The following JAZF1 variants were observed in gnomAD, a reference collection of about 807,000 sequenced individuals.
The protein encoded by JAZF1 is juxtaposed with another zinc finger protein 1.
Under a neutral mutation model 26.4 loss-of-function variants are expected in JAZF1, and 8 were observed. The ratio of observed to expected loss-of-function variants is 0.30; its 90% CI spans 0.18 to 0.55. The LOEUF is 0.55. Ranked by LOEUF, JAZF1 falls within the 20% of genes least tolerant of loss-of-function variation. The pLI is 0.94. For missense variants in JAZF1, 199 were observed against 322.0 expected, an observed-to-expected ratio of 0.62 and a Z score of 2.92; for synonymous variants, 126 against 122.3, an observed-to-expected ratio of 1.03 and a Z score of -0.20.
chr7:28,084,588 C>CTT (rs1348868143), intron 1 of JAZF1, among the ~76,000 whole-genome samples: 1 of 152,174 alleles, frequency 6.6e-6, no homozygotes, highest in African/African-American at 2.4e-5. Context: ...TTCTTTTAGT[C>CTT]TTTCTGTGCC....
intron 1 of JAZF1, among the ~76,000 whole-genome samples, chr7:28,154,248 G>A (rs1458720776): frequency 2.0e-5 from 3 of 152,180 alleles, no homozygotes; most frequent in Admixed American, 6.5e-5. Flanking sequence ...AATCTAAGCT[G>A]TCCAGCAACA....
At chr7:27,876,941 C>G (rs1250947882) in intron 3 of JAZF1, among the ~76,000 whole-genome samples, 1 of 152,138 alleles carries the variant, frequency 6.6e-6, no homozygotes, top group Non-Finnish European at 1.5e-5. Context: ...CTTGGAAATC[C>G]CAGCTAGAGA....
chr7:28,159,302 T>C (rs1291860749), intron 1 of JAZF1, among the ~76,000 whole-genome samples: 1 of 151,832 alleles, frequency 6.6e-6, no homozygotes, highest in Non-Finnish European at 1.5e-5. Context: ...TTTCAGTAAG[T>C]CTAAAATTAT....
intron 2 of JAZF1, among the ~76,000 whole-genome samples, chr7:27,963,102 T>C (rs900675085): frequency 6.6e-6 from 1 of 152,204 alleles, no homozygotes; most frequent in Non-Finnish European, 1.5e-5. Flanking sequence ...TTTAATTCTT[T>C]GGGATGGATT....
Position 28,110,329 on chromosome 7 carries a change from G to A in JAZF1, c.115+70134C>T, listed in dbSNP as rs535679950. On this transcript the variant is annotated intron_variant, in intron 1 of 4. Coordinates refer to ENST00000283928, the MANE Select transcript of JAZF1 (RefSeq NM_175061.4). ...TAATCTCAGTTACTTGGGAGGCTGC[G>A]GGAGGAGAATCACTTGAACCTGGGA... is the stretch of plus-strand genomic sequence containing the variant. Among the ~76,000 whole-genome samples the A allele has an allele frequency of 1.1e-3, 172 of 151,714 alleles. No individual in the cohort carries two copies. In the Middle Eastern group the frequency reaches 0.014, roughly 12 times the overall value.
At chr7:27,987,655 A>G (rs1785758908) in intron 2 of JAZF1, among the ~76,000 whole-genome samples, 1 of 152,088 alleles carries the variant, frequency 6.6e-6, no homozygotes, top group Admixed American at 6.5e-5. Context: ...GGAAGTGAGG[A>G]GCCCCTCTGC....
At chr7:27,932,079 G>C (rs769563353) in intron 2 of JAZF1, among the ~76,000 whole-genome samples, 10 of 152,214 alleles carry the variant, frequency 6.6e-5, no homozygotes, top group African/African-American at 2.4e-4. Context: ...TTAAAAACAA[G>C]GTTTGGGGGA....
chr7:27,984,165 T>A (rs1785647923), intron 2 of JAZF1, among the ~76,000 whole-genome samples: 1 of 152,140 alleles, frequency 6.6e-6, no homozygotes, highest in Non-Finnish European at 1.5e-5. Context: ...TAAATTGGAT[T>A]AAAAGTCAAG....
At chr7:27,906,966 A>G (rs1478633877) in intron 2 of JAZF1, among the ~76,000 whole-genome samples, 2 of 152,228 alleles carry the variant, frequency 1.3e-5, no homozygotes, top group African/African-American at 4.8e-5. Flanking sequence ...AAATTAAATG[A>G]GTTATTGAGG....
At chr7:28,141,486 A>C (rs994395183) in intron 1 of JAZF1, among the ~76,000 whole-genome samples, 1 of 152,226 alleles carries the variant, frequency 6.6e-6, no homozygotes, top group African/African-American at 2.4e-5. Context: ...GTTAATTCCA[A>C]TAAGACTGTC....
chr7:27,969,709 T>A (rs1371367027), intron 2 of JAZF1, among the ~76,000 whole-genome samples: 1 of 152,216 alleles, frequency 6.6e-6, no homozygotes, highest in Non-Finnish European at 1.5e-5. Flanking sequence ...TCAAGTCTGG[T>A]AATTCCACAC....
At chr7:28,109,882 T>A (rs1784614521) in intron 1 of JAZF1, among the ~76,000 whole-genome samples, 1 of 152,182 alleles carries the variant, frequency 6.6e-6, no homozygotes, top group Non-Finnish European at 1.5e-5. Flanking sequence ...GATGGGCATA[T>A]GAAGACTTGA....
chr7:28,020,476 A>G (rs1267590835), intron 1 of JAZF1: 2 of 420,822 alleles, frequency 4.8e-6, no homozygotes, highest in Non-Finnish European at 9.9e-6. Context: ...TCCTCCTGGA[A>G]GCAGGAGTTG....
chr7:28,033,049 T>A (rs927501975), intron 1 of JAZF1, among the ~76,000 whole-genome samples: 16 of 152,102 alleles, frequency 1.1e-4, no homozygotes, highest in African/African-American at 3.6e-4. Context: ...ACCTTGCAAA[T>A]TGAATTTAAC....
intron 1 of JAZF1, among the ~76,000 whole-genome samples, chr7:28,150,725 G>A (rs1023162588): frequency 6.6e-6 from 1 of 152,160 alleles, no homozygotes; most frequent in Non-Finnish European, 1.5e-5. Flanking sequence ...GGGTCTGAAG[G>A]GAAGCCTGTG....
chr7:28,059,802 C>A (rs934011115), intron 1 of JAZF1, among the ~76,000 whole-genome samples: 1 of 152,176 alleles, frequency 6.6e-6, no homozygotes, highest in African/African-American at 2.4e-5. Context: ...CTATTTTCTG[C>A]CCTGCCATCA....
At chr7:28,106,137 T>C (rs1306241360) in intron 1 of JAZF1, among the ~76,000 whole-genome samples, 3 of 152,212 alleles carry the variant, frequency 2.0e-5, no homozygotes, top group Non-Finnish European at 2.9e-5. Flanking sequence ...GCTTTATTTA[T>C]GATAGTAAAA....
intron 1 of JAZF1, among the ~76,000 whole-genome samples, chr7:28,099,494 G>A (rs1482491283): frequency 6.6e-6 from 1 of 150,758 alleles, no homozygotes; most frequent in Non-Finnish European, 1.5e-5. Flanking sequence ...TTTTTCTTTT[G>A]AGACAGAGTT....
chr7:28,176,079 T>C (rs187452391), intron 1 of JAZF1, among the ~76,000 whole-genome samples: 4 of 152,356 alleles, frequency 2.6e-5, no homozygotes, highest in Non-Finnish European at 5.9e-5. Context: ...GTAGGTTTAT[T>C]ACCTGGGTTT....
Sources: allele counts gnomAD v4.1 joint callset (sites outside exome capture counted in the v4.1 genomes callset), GRCh38; gene constraint gnomAD v4.1.1; transcripts MANE v1.5; gene names NCBI Gene and HGNC (gene_info 2026-07-23, HGNC 2026-07-21).